The following DGAT2 variants were observed in gnomAD, a reference collection of about 807,000 sequenced individuals.
DGAT2 encodes acyl-CoA retinol O-fatty-acyltransferase.
In DGAT2, 33 loss-of-function variants were observed where a neutral mutation model predicts 48.4. That is an observed-to-expected ratio of 0.68 (90% CI 0.52 to 0.91). The LOEUF (loss-of-function observed/expected upper bound fraction) is 0.91. DGAT2 is among the 40% of genes least tolerant of loss of function. The pLI is 0.00. For synonymous variants in DGAT2, 191 were observed against 194.1 expected, an observed-to-expected ratio of 0.98 and a Z score of 0.13; for missense variants, 446 against 493.7, an observed-to-expected ratio of 0.90 and a Z score of 0.92.
chr11:75,771,468 G>C (rs1944757104), intron 1 of DGAT2, among the ~76,000 whole-genome samples: 1 of 152,140 alleles, frequency 6.6e-6, no homozygotes, highest in Non-Finnish European at 1.5e-5. Flanking sequence ...CGGCTCCAAA[G>C]AGTGAGGCCA....
chr11:75,791,229 G>C (rs1590873209), intron 4 of DGAT2, among the ~76,000 whole-genome samples: 5 of 152,214 alleles, frequency 3.3e-5, no homozygotes, highest in Non-Finnish European at 5.9e-5. Context: ...CAGGGTGCAG[G>C]GTGGTGTATA....
rs1235037681 is a variant in DGAT2 at position 75,797,287 on chromosome 11, C to T, written c.764C>T (p.Thr255Ile). Residue 255 changes from threonine to isoleucine, a missense_variant, in exon 6 of 8, where the codon ACC becomes ATC. By Grantham distance (89) the Thr-to-Ile change is moderately conservative. Coordinates refer to ENST00000228027, the MANE Select transcript of DGAT2 (RefSeq NM_032564.5). Reference protein sequence around the residue: ...LSSMPGKNAVTLRNRKGFVKL... With the variant: ...LSSMPGKNAVILRNRKGFVKL... ...TCCATGCCTGGCAAGAATGCAGTCACCCTGCGGAACCGCAAGGGCTTTGTG... is the reference window on the plus strand; with the variant it reads ...TCCATGCCTGGCAAGAATGCAGTCATCCTGCGGAACCGCAAGGGCTTTGTG... The T allele has an allele frequency of 3.2e-6, 5 of 1,562,600 alleles. No homozygotes were observed. The highest frequency in any genetic ancestry group is 4.3e-6 in the Non-Finnish European group (5 of 1,154,118).
rs762649332 is a variant in DGAT2 at position 75,798,331 on chromosome 11, A to G, written c.914A>G (p.Lys305Arg). 2 of 1,614,184 alleles carry G rather than the reference A, an allele frequency of 1.2e-6. No homozygotes were observed. Among genetic ancestry groups the G allele is most frequent in the South Asian group, 2.2e-5 (2 of 91,084 alleles). The change falls in exon 7 of 8, where the codon AAA (lysine) becomes AGA (arginine). Residue 305 changes from lysine to arginine, a missense_variant. Physicochemically the swap from Lys to Arg is conservative, Grantham distance 26 (BLOSUM62 2). Transcript: ENST00000228027. ...CGATGGGTCCAGAAGAAGTTCCAGA[A>G]ATACATTGGTTTCGCCCCATGCATC... ...WGRWVQKKFQ[K>R]YIGFAPCIFH...
At chr11:75,773,360 T>TA (rs1288754893) in intron 1 of DGAT2, among the ~76,000 whole-genome samples, 1 of 152,224 alleles carries the variant, frequency 6.6e-6, no homozygotes, top group African/African-American at 2.4e-5. Context: ...TGGTCACCCT[T>TA]ACTGCTTCCC....
At chr11:75,778,287 C>T (rs1185985375) in intron 1 of DGAT2, among the ~76,000 whole-genome samples, 2 of 152,210 alleles carry the variant, frequency 1.3e-5, no homozygotes, top group East Asian at 1.9e-4. Flanking sequence ...ACAGTGCGCA[C>T]TTTCCTCCTG....
chr11:75,798,101 C>T (rs1049154227), intron 6 of DGAT2, 126 bp from the exon 7 acceptor site: 26 of 940,746 alleles, frequency 2.8e-5, no homozygotes, highest in Admixed American at 6.0e-5. Flanking sequence ...ACTTGGGACA[C>T]CCAGGTAATT....
chr11:75,795,622 C>G (rs1280018096), intron 4 of DGAT2: 1 of 152,828 alleles, frequency 6.5e-6, no homozygotes, highest in African/African-American at 2.4e-5. Context: ...ACCTCTACCC[C>G]AGGCTGGCTG....
chr11:75,768,923 C>T lies in DGAT2; in HGVS notation c.-69C>T, dbSNP rs1406219146. 1.5e-6 allele frequency: 2 copies of T among 1,367,364 alleles called. No homozygotes were observed. The highest frequency in any genetic ancestry group is 1.9e-6 in the Non-Finnish European group (2 of 1,064,434). 84.7% of individuals were successfully genotyped at this position (1,367,364 alleles called of 1,614,324 possible). A position where few individuals can be genotyped will look rare whatever the true frequency, so the allele number is the denominator to read the frequency against. On this transcript the variant is annotated 5_prime_UTR_variant, in exon 1 of 8. Transcript: ENST00000228027. ...CTGCGCGAAGCCCTGGCCCCGGGGG[C>T]CGGGGCATGGGCCAGGGGCGCGGGG...
chr11:75,786,873 G>A (rs1433651654), intron 2 of DGAT2, among the ~76,000 whole-genome samples: 1 of 152,158 alleles, frequency 6.6e-6, no homozygotes, highest in Non-Finnish European at 1.5e-5. Context: ...CCCTTTCTCA[G>A]TGTTTTAGAG....
At chr11:75,781,241 C>G (rs1451044375) in intron 1 of DGAT2, among the ~76,000 whole-genome samples, 1 of 152,272 alleles carries the variant, frequency 6.6e-6, no homozygotes, top group Non-Finnish European at 1.5e-5. Context: ...GAAAGGCCTT[C>G]TCTTTCCAAA....
chr11:75,768,956 G>T lies in DGAT2; in HGVS notation c.-36G>T, dbSNP rs761389088. 1 of 1,450,948 alleles carries T rather than the reference G, an allele frequency of 6.9e-7. No individual in the cohort carries two copies. The highest frequency in any genetic ancestry group is 9.1e-7 in the Non-Finnish European group (1 of 1,103,904). 89.9% of individuals were successfully genotyped at this position (1,450,948 alleles called of 1,614,324 possible). On this transcript the variant is annotated 5_prime_UTR_variant, in exon 1 of 8. Transcript: ENST00000228027. The stretch of plus-strand genomic sequence containing the variant: ...TGGGCCAGGGGCGCGGGGTGAAGCG[G>T]CTTCCCGCGGGGCCGTGACTGGGCG...
chr11:75,784,860 A>G (rs113391874), intron 2 of DGAT2, 114 bp downstream of exon 2: 2 of 1,415,490 alleles, frequency 1.4e-6, no homozygotes, highest in South Asian at 1.3e-5. Context: ...ACTCTTACAC[A>G]TGCTGCCCCA....
chr11:75,788,410 G>A (rs1050750672), intron 2 of DGAT2, among the ~76,000 whole-genome samples: 16 of 152,182 alleles, frequency 1.1e-4, no homozygotes, highest in African/African-American at 3.6e-4. Flanking sequence ...TCCCTTCTGC[G>A]ATGTCACACC....
chr11:75,798,459 G>A, intron 7 of DGAT2, 30 bp downstream of exon 7: 1 of 1,606,406 alleles, frequency 6.2e-7, no homozygotes, highest in Non-Finnish European at 8.5e-7. Context: ...ACCAAGGGCT[G>A]TCCTGAACAC....
At position 75,796,536 on chromosome 11, in the gene DGAT2, A is replaced by T; in HGVS notation, c.634+4A>T. On this transcript the variant is annotated splice_donor_region_variant and intron_variant, in intron 5 of 7. Transcript: ENST00000228027. The stretch of plus-strand genomic sequence containing the variant: ...AGGGAGTACCTGATGTCTGGAGGTA[A>T]GAATCCACCCCCTGTGCTCCTGCTG... The T allele has an allele frequency of 6.2e-7, 1 of 1,611,380 alleles. No individual in the cohort carries two copies. The highest frequency in any genetic ancestry group is 1.7e-5 in the Admixed American group (1 of 59,980).
At chr11:75,792,224 A>ATCTCTGT (rs1944997314) in intron 4 of DGAT2, 1 of 152,256 alleles carries the variant, frequency 6.6e-6, no homozygotes, top group Non-Finnish European at 1.5e-5. Context: ...TCCTTCTCAC[A>ATCTCTGT]TCTCTGTTCC....
At chr11:75,796,254 C>T (rs1293345213) in intron 4 of DGAT2, 74 bp from the exon 5 acceptor site, 4 of 1,339,548 alleles carry the variant, frequency 3.0e-6, no homozygotes, top group Admixed American at 1.8e-5. Context: ...ACATCCAATC[C>T]CTCCCTACCC....
intron 2 of DGAT2, among the ~76,000 whole-genome samples, chr11:75,785,823 C>T (rs1299838586): frequency 6.6e-6 from 1 of 152,160 alleles, no homozygotes; most frequent in Non-Finnish European, 1.5e-5. Flanking sequence ...GTTTGCAGGG[C>T]CAAGGGATAG....
At chr11:75,770,806 T>C (rs1266116597) in intron 1 of DGAT2, among the ~76,000 whole-genome samples, 1 of 152,224 alleles carries the variant, frequency 6.6e-6, no homozygotes, top group Non-Finnish European at 1.5e-5. Context: ...AAACTTTTTT[T>C]TTTTTAAACT....
Sources: gnomAD v4.1 joint callset for allele counts (sites outside exome capture counted in the v4.1 genomes callset) on GRCh38, gnomAD v4.1.1 for gene constraint, MANE v1.5 for transcripts, NCBI Gene and HGNC (gene_info 2026-07-23, HGNC 2026-07-21) for gene names.